THSD7B: variants seen among roughly 807,000 people sequenced by gnomAD.
The protein encoded by THSD7B is thrombospondin type 1 domain containing 7B, also known as thrombospondin type-1 domain-containing protein 7B.
Under a neutral mutation model 213.6 loss-of-function variants are expected in THSD7B, and 138 were observed. The ratio of observed to expected loss-of-function variants is 0.65; its 90% CI spans 0.56 to 0.74. The LOEUF (loss-of-function observed/expected upper bound fraction) is 0.74. Ranked by LOEUF, THSD7B falls within the 30% of genes least tolerant of loss-of-function variation. THSD7B has a pLI of 0.00. For missense variants in THSD7B, 1,931 were observed against 1,991.5 expected, an observed-to-expected ratio of 0.97 and a Z score of 0.58; for synonymous variants, 742 against 687.0, an observed-to-expected ratio of 1.08 and a Z score of -1.25.
chr2:137,509,157 G>A (rs1679905189), intron 15 of THSD7B, among the ~76,000 whole-genome samples: 1 of 152,188 alleles, frequency 6.6e-6, no homozygotes, highest in South Asian at 2.1e-4. Flanking sequence ...AGAGACAGGA[G>A]TCCACCAAAT....
chr2:137,098,090 TGAAA>T (rs2104921858), intron 4 of THSD7B, among the ~76,000 whole-genome samples: 1 of 152,232 alleles, frequency 6.6e-6, no homozygotes, highest in Non-Finnish European at 1.5e-5. Context: ...GAAAGGAAAA[TGAAA>T]ATCTATTAGG....
intron 20 of THSD7B, among the ~76,000 whole-genome samples, chr2:137,637,841 G>A (rs1300086751): frequency 1.3e-5 from 2 of 152,114 alleles, no homozygotes; most frequent in Non-Finnish European, 2.9e-5. Context: ...CCATGATAAA[G>A]GTGACACCAC....
At chr2:137,557,475 A>G (rs1311955949) in intron 15 of THSD7B, among the ~76,000 whole-genome samples, 1 of 152,214 alleles carries the variant, frequency 6.6e-6, no homozygotes, top group Non-Finnish European at 1.5e-5. Context: ...CTGGGTACAT[A>G]ATGAAATGAA....
At chr2:137,091,453 G>T (rs74266381) in intron 3 of THSD7B, among the ~76,000 whole-genome samples, 2 of 152,116 alleles carry the variant, frequency 1.3e-5, no homozygotes, top group African/African-American at 4.8e-5. Flanking sequence ...TCGGGCTGTC[G>T]TAAGAAGTTC....
At chr2:137,026,206 G>C (rs561087284) in intron 2 of THSD7B, among the ~76,000 whole-genome samples, 1 of 152,304 alleles carries the variant, frequency 6.6e-6, no homozygotes, top group South Asian at 2.1e-4. Flanking sequence ...TCCAGGGCCA[G>C]CGGTGGAGAC....
rs77221236 is a variant in THSD7B, at chr2:137,066,828, G to A, written c.950+9598G>A. 3.9e-3 allele frequency among the ~76,000 whole-genome samples: 596 copies of A among 151,992 alleles called. 10 individuals are homozygous for A. The East Asian group carries it at 0.044, about 11-fold the overall frequency. Reference sequence around the variant, plus strand: ...ATTTTCCTACTGATATTTCTATTACGTGTAGTTACATCATTTGTAGTTCTA... The same window carrying A: ...ATTTTCCTACTGATATTTCTATTACATGTAGTTACATCATTTGTAGTTCTA... On this transcript the variant is annotated intron_variant, in intron 3 of 27. Coordinates refer to ENST00000409968, the MANE Select transcript of THSD7B (RefSeq NM_001316349.2).
chr2:137,210,108 C>T (rs1003145104), intron 7 of THSD7B, among the ~76,000 whole-genome samples: 2 of 152,064 alleles, frequency 1.3e-5, no homozygotes, highest in African/African-American at 4.8e-5. Flanking sequence ...AACTTCCAGC[C>T]CTCAGAACTG....
intron 2 of THSD7B, among the ~76,000 whole-genome samples, chr2:137,024,147 G>A (rs921957638): frequency 2.6e-5 from 4 of 152,254 alleles, no homozygotes; most frequent in Middle Eastern, 3.4e-3. Context: ...TGTTTTATGA[G>A]AGAAACTCTT....
chr2:137,451,722 G>A (rs929795570), intron 15 of THSD7B, among the ~76,000 whole-genome samples: 2 of 151,952 alleles, frequency 1.3e-5, no homozygotes, highest in African/African-American at 4.8e-5. Context: ...TTATAATAAA[G>A]AACTCAAATT....
At chr2:137,465,136 T>A (rs1184648098) in intron 15 of THSD7B, among the ~76,000 whole-genome samples, 1 of 151,980 alleles carries the variant, frequency 6.6e-6, no homozygotes, top group Admixed American at 6.6e-5. Flanking sequence ...ATATTAATCC[T>A]TTTTTCTACC....
At chr2:136,830,358 A>G (rs918320060) in intron 1 of THSD7B, among the ~76,000 whole-genome samples, 13 of 152,188 alleles carry the variant, frequency 8.5e-5, no homozygotes, top group South Asian at 6.2e-4. Context: ...TTCCATTGAA[A>G]AGGAATAAAA....
intron 21 of THSD7B, among the ~76,000 whole-genome samples, chr2:137,654,696 T>C (rs1300786535): frequency 1.3e-5 from 2 of 152,182 alleles, no homozygotes; most frequent in African/African-American, 4.8e-5. Flanking sequence ...CTTATCCTCA[T>C]ATTTGAGCTC....
intron 5 of THSD7B, among the ~76,000 whole-genome samples, chr2:137,126,461 T>G: frequency 2.0e-5 from 1 of 50,962 alleles, no homozygotes; most frequent in African/African-American, 7.4e-5. Flanking sequence ...CCCACCCCCC[T>G]GCCCCACAGC....
intron 12 of THSD7B, among the ~76,000 whole-genome samples, chr2:137,362,036 C>T (rs565370164): frequency 1.5e-4 from 23 of 152,180 alleles, no homozygotes; most frequent in East Asian, 3.9e-4. Flanking sequence ...GGGGATCTCT[C>T]GGTAGAAACT....
At chr2:136,848,590 G>C (rs895039442) in intron 1 of THSD7B, among the ~76,000 whole-genome samples, 4 of 152,056 alleles carry the variant, frequency 2.6e-5, no homozygotes, top group Non-Finnish European at 5.9e-5. Flanking sequence ...ATTTTATTAT[G>C]ATTTCCTGAA....
Position 137,419,372 on chromosome 2 carries a change from G to GTTTTTTTTTTTTTTTTTTTTTTTTTTT in THSD7B, c.2959+7502_2959+7503insTTTTTTTTTTTTTTTTTTTTTTTTTTT, listed in dbSNP as rs1246056674. Among the ~76,000 whole-genome samples the GTTTTTTTTTTTTTTTTTTTTTTTTTTT allele has an allele frequency of 3.3e-4, 27 of 81,388 alleles. 1 individual carries two copies. Among genetic ancestry groups the GTTTTTTTTTTTTTTTTTTTTTTTTTTT allele is most frequent in the Non-Finnish European group, 6.1e-4 (18 of 29,514 alleles). 53.4% of individuals were successfully genotyped at this position (81,388 alleles called of 152,430 possible). A position where few individuals can be genotyped will look rare whatever the true frequency, so the allele number is the denominator to read the frequency against. On this transcript the variant is annotated intron_variant, in intron 14 of 27. Coordinates refer to ENST00000409968, the MANE Select transcript of THSD7B (RefSeq NM_001316349.2). Reference sequence around the variant, plus strand: ...AGCCCCCACTTTTGGTGGGTCCTGAGTTCTTGTCCCACATCAAAGAAGAAT... The same window carrying GTTTTTTTTTTTTTTTTTTTTTTTTTTT: ...AGCCCCCACTTTTGGTGGGTCCTGAGTTTTTTTTTTTTTTTTTTTTTTTTTTTTTCTTGTCCCACATCAAAGAAGAAT...
At chr2:137,273,342 T>G (rs1445987039) in intron 11 of THSD7B, among the ~76,000 whole-genome samples, 3 of 152,218 alleles carry the variant, frequency 2.0e-5, no homozygotes, top group East Asian at 3.9e-4. Context: ...TAAAAAATAA[T>G]AATAGGTTTC....
intron 1 of THSD7B, among the ~76,000 whole-genome samples, chr2:136,875,094 C>T (rs187494684): frequency 1.7e-4 from 26 of 152,232 alleles, no homozygotes; most frequent in Non-Finnish European, 2.2e-4. Flanking sequence ...AGAGAGGCAA[C>T]GTGGTTCAGT....
intron 12 of THSD7B, among the ~76,000 whole-genome samples, chr2:137,390,688 T>C (rs1686003986): frequency 6.6e-6 from 1 of 152,228 alleles, no homozygotes; most frequent in Non-Finnish European, 1.5e-5. Context: ...ATGGTCTTTA[T>C]TATTTTGAGG....
Sources: gnomAD v4.1 joint callset for allele counts (sites outside exome capture counted in the v4.1 genomes callset) on GRCh38, gnomAD v4.1.1 for gene constraint, MANE v1.5 for transcripts, NCBI Gene and HGNC (gene_info 2026-07-23, HGNC 2026-07-21) for gene names.